The following GRK1 variants were observed in gnomAD, a reference collection of about 807,000 sequenced individuals.
GRK1 encodes the protein G protein-coupled receptor kinase 1, also known as rhodopsin kinase GRK1.
In GRK1, 28 loss-of-function variants were observed where a neutral mutation model predicts 41.7. The observed-to-expected ratio is 0.67, with a 90% CI of 0.50 to 0.92. The LOEUF is 0.92. Ranked by LOEUF, GRK1 falls within the 40% of genes least tolerant of loss-of-function variation. GRK1 has a pLI of 0.00. For synonymous variants in GRK1, 327 were observed against 286.7 expected (o/e 1.14, Z -1.42); for missense variants, 703 against 671.2 (o/e 1.05, Z -0.52).
At chr13:113,663,248 C>A (rs1005876584), upstream of GRK1, among the ~76,000 whole-genome samples, 3 of 152,188 alleles carry the variant, frequency 2.0e-5, no homozygotes, top group Non-Finnish European at 4.4e-5. Context: ...GCAAAAATAA[C>A]CTTTTCAACA....
chr13:113,732,162 G>A (rs1202697829), intron 5 of GRK1, among the ~76,000 whole-genome samples: 1 of 152,206 alleles, frequency 6.6e-6, no homozygotes, highest in African/African-American at 2.4e-5. Context: ...GAGCCAGAAG[G>A]CCACCGTCTC....
rs1491051495 is a variant in GRK1 at position 113,733,926 on chromosome 13, ATG to A, written c.1396+846_1396+847del. 1.1e-3 allele frequency among the ~76,000 whole-genome samples: 50 copies of A among 46,040 alleles called. No homozygotes were observed. The East Asian group carries it at 0.026, about 24-fold the overall frequency. 30.2% of individuals were successfully genotyped at this position (46,040 alleles called of 152,430 possible). The stretch of plus-strand genomic sequence containing the variant: ...GTGTGCATACAGTGTGCGTGTGTGC[ATG>A]TGTGCATACGTGTGTGCGTGTGTGT... On this transcript the variant is annotated intron_variant, in intron 6 of 6. Transcript: ENST00000335678.
In GRK1 at chr13:113,671,514, C is replaced by T. The variant is rs1034671518; in HGVS notation, c.843C>T (p.Asn281=). Residue 281 remains asparagine (N), a synonymous_variant, in exon 3 of 7, where the codon AAC becomes AAT. Coordinates refer to ENST00000335678, the MANE Select transcript of GRK1 (RefSeq NM_002929.3). The surrounding 1 kb of genome is among the most constrained non-coding windows in gnomAD (Gnocchi z 4.1). ...CTTCCCCCAGGTACCACATCTACAA[C>T]GTGAATGAGGAGAACCCTGGCTTCC... is the stretch of plus-strand genomic sequence containing the variant. ...NGGDIRYHIY[N]VNEENPGFPE... is the part of the protein sequence containing the mutation. 16 of 779,362 alleles carry T rather than the reference C, an allele frequency of 2.1e-5. No homozygotes were observed. Among genetic ancestry groups the T allele is most frequent in the South Asian group, 5.4e-5 (4 of 74,620 alleles). The allele number at this position is 779,362 out of a possible 1,614,324, so 48.3% of individuals were successfully genotyped here.
chr13:113,731,204 G>A lies in GRK1; in HGVS notation c.1070-15G>A. 1 of 1,536,680 alleles carries A rather than the reference G, an allele frequency of 6.5e-7. No homozygotes were observed. Among genetic ancestry groups the A allele is most frequent in the South Asian group, 1.2e-5 (1 of 84,032 alleles). ...AGGTGACCACCTCTGAACCCGCAATGTCCCTTGCTGGCAGGTTTCATGGCC... is the reference window on the plus strand; with the variant it reads ...AGGTGACCACCTCTGAACCCGCAATATCCCTTGCTGGCAGGTTTCATGGCC... On this transcript the variant is annotated splice_polypyrimidine_tract_variant and intron_variant, in intron 4 of 6. Transcript: ENST00000335678. The surrounding 1 kb of genome is among the most constrained non-coding windows in gnomAD (Gnocchi z 5.6).
chr13:113,732,728 A>G (rs1374627914), intron 5 of GRK1, 156 bp from the exon 6 acceptor site: 1 of 267,436 alleles, frequency 3.7e-6, no homozygotes, highest in Non-Finnish European at 5.8e-6. Context: ...CTGAGACTGG[A>G]GCCTCAAACG....
chr13:113,652,819 G>A, the GRK1 span: 9 of 1,591,362 alleles, frequency 5.7e-6, no homozygotes, highest in African/African-American at 1.2e-4. Flanking sequence ...GTGTGGGTGA[G>A]AGGCCCTGAC....
chr13:113,656,225 C>T, the GRK1 span, among the ~76,000 whole-genome samples: 1 of 152,180 alleles, frequency 6.6e-6, no homozygotes, highest in African/African-American at 2.4e-5. Flanking sequence ...GTCCCCAGGT[C>T]ACTCCTGATG....
the GRK1 span, chr13:113,651,872 G>A: frequency 1.5e-4 from 137 of 923,254 alleles, no homozygotes; most frequent in African/African-American, 1.9e-3. Context: ...TCTGGTTTGC[G>A]GCTTCCCTTG....
upstream of GRK1, among the ~76,000 whole-genome samples, chr13:113,664,982 T>C (rs113415775): frequency 0.027 from 4,155 of 152,298 alleles, 195 homozygotes; most frequent in African/African-American, 0.092. The surrounding 1 kb of genome is among the most constrained non-coding windows in gnomAD (Gnocchi z 5.4). Flanking sequence ...TATTTACTCG[T>C]GATCCACCTG....
intron 1 of GRK1, among the ~76,000 whole-genome samples, chr13:113,668,563 G>A (rs995200094): frequency 2.0e-5 from 3 of 152,246 alleles, no homozygotes; most frequent in East Asian, 1.9e-4. Context: ...GCGTGACGCC[G>A]GGGGCAGGAA....
At chr13:113,648,962 C>T in the GRK1 span, 14 of 154,950 alleles carry the variant, frequency 9.0e-5, no homozygotes, top group Admixed American at 1.9e-4. Context: ...TAGTGTAAGC[C>T]GTGTTTCATA....
At chr13:113,651,949 A>G in the GRK1 span, among the ~76,000 whole-genome samples, 1 of 151,696 alleles carries the variant, frequency 6.6e-6, no homozygotes, top group South Asian at 2.1e-4. Context: ...CCCACCCATC[A>G]GCAAGCCACT....
chr13:113,733,959 CGTGT>C (rs1234215713), intron 6 of GRK1, among the ~76,000 whole-genome samples: 2 of 104,508 alleles, frequency 1.9e-5, no homozygotes, highest in Non-Finnish European at 2.0e-5. Flanking sequence ...TGTGTGCATA[CGTGT>C]GTGTGCGTGT....
chr13:113,733,548 C>A (rs529886284), intron 6 of GRK1, among the ~76,000 whole-genome samples: 1 of 128,144 alleles, frequency 7.8e-6, no homozygotes, highest in Non-Finnish European at 1.7e-5. Context: ...CATGCGTGTG[C>A]GCGCACGTGT....
At chr13:113,651,317 C>T in the GRK1 span, among the ~76,000 whole-genome samples, 10 of 152,250 alleles carry the variant, frequency 6.6e-5, no homozygotes, top group African/African-American at 2.4e-4. Flanking sequence ...ACAACTGTAG[C>T]TGCTGGCAAG....
chr13:113,656,647 C>T, the GRK1 span, among the ~76,000 whole-genome samples: 2 of 152,210 alleles, frequency 1.3e-5, no homozygotes, highest in Admixed American at 1.3e-4. Flanking sequence ...CACCTGCACC[C>T]GTCCCCCAAT....
At chr13:113,672,803 T>G (rs1262525827) in intron 3 of GRK1, among the ~76,000 whole-genome samples, 2 of 74,168 alleles carry the variant, frequency 2.7e-5, no homozygotes, top group Non-Finnish European at 4.7e-5. Context: ...CCCTCTCTCT[T>G]AACTCTGTCT....
At chr13:113,649,409 C>T in the GRK1 span, 1 of 1,593,328 alleles carries the variant, frequency 6.3e-7, no homozygotes, top group Non-Finnish European at 8.6e-7. The surrounding 1 kb of genome is among the most constrained non-coding windows in gnomAD (Gnocchi z 4.7). Flanking sequence ...TCCACTTTCC[C>T]TTCATACGGG....
chr13:113,728,826 G>A (rs1400703712), intron 4 of GRK1, among the ~76,000 whole-genome samples: 4 of 152,184 alleles, frequency 2.6e-5, no homozygotes, highest in East Asian at 1.9e-4. Flanking sequence ...TGGAGAGGGC[G>A]GAAGGGCCGG....
Sources: gnomAD v4.1 joint callset for allele counts (sites outside exome capture counted in the v4.1 genomes callset) on GRCh38, gnomAD v4.1.1 for gene constraint, Gnocchi (gnomAD v3.1) non-coding constraint, MANE v1.5 for transcripts, NCBI Gene and HGNC (gene_info 2026-07-23, HGNC 2026-07-21) for gene names.